Variants in CARM1 observed in about 807,000 individuals in gnomAD.
CARM1 encodes the protein histone-arginine methyltransferase CARM1.
Under a neutral mutation model 72.7 loss-of-function variants are expected in CARM1, and 14 were observed. That is an observed-to-expected ratio of 0.19 (90% confidence interval 0.13 to 0.30). The LOEUF (loss-of-function observed/expected upper bound fraction) is 0.30, where lower values mean the gene tolerates loss of function less well. CARM1 is among the 10% of genes least tolerant of loss of function. The pLI is 1.00. For missense variants in CARM1, 432 were observed against 833.7 expected (o/e 0.52, Z 5.93); for synonymous variants, 333 against 345.5 (o/e 0.96, Z 0.40).
In CARM1 at chr19:10,912,004, C is replaced by T. The variant is rs77487405; in HGVS notation, c.559-180C>T. Among the ~76,000 whole-genome samples the T allele has an allele frequency of 8.3e-3, 1,262 of 152,326 alleles. 21 individuals are homozygous for T. The highest frequency in any genetic ancestry group is 0.029 in the African/African-American group (1,208 of 41,568). On this transcript the variant is annotated intron_variant, in intron 4 of 15. Coordinates refer to ENST00000327064, the MANE Select transcript of CARM1 (RefSeq NM_199141.2). The surrounding 1 kb of genome is among the most constrained non-coding windows in gnomAD (Gnocchi z 4.5). ...GGAGCTTCCCCAGGGCTTCTCCTCC[C>T]GGAGGACTGGCCCATGGCTCATCTT...
Position 10,915,450 on chromosome 19 carries a change from TC to T in CARM1, c.848-955del, listed in dbSNP as rs2145238336. 6.6e-6 allele frequency among the ~76,000 whole-genome samples: 1 copy of T among 152,178 alleles called. No individual in the cohort carries two copies. The highest frequency in any genetic ancestry group is 2.4e-5 in the African/African-American group (1 of 41,530). ...ACTCCTGTCCAGCTCAGGAAGCTCT[TC>T]CAGGGGTTAAAGGCAGCCCTCCCCT... is the stretch of plus-strand genomic sequence containing the variant. On this transcript the variant is annotated intron_variant, in intron 6 of 15. Transcript: ENST00000327064. This position sits in a 1 kb window ranked among gnomAD's most constrained non-coding sequence, Gnocchi z 4.6.
intron 1 of CARM1, among the ~76,000 whole-genome samples, chr19:10,899,411 A>G (rs2074047893): frequency 6.6e-6 from 1 of 152,242 alleles, no homozygotes; most frequent in Non-Finnish European, 1.5e-5. Context: ...CAGGACGGGT[A>G]TGAGTGTGGG....
intron 6 of CARM1, 86 bp downstream of exon 6, chr19:10,914,140 GCTTA>G: frequency 7.5e-7 from 1 of 1,334,734 alleles, no homozygotes; most frequent in Non-Finnish European, 1.0e-6. Context: ...TCAGCTCCCT[GCTTA>G]CTGTCGGTGG....
chr19:10,882,410 G>T (rs889413212), intron 1 of CARM1, among the ~76,000 whole-genome samples: 1 of 152,180 alleles, frequency 6.6e-6, no homozygotes, highest in Non-Finnish European at 1.5e-5. Flanking sequence ...TTATTGGTGG[G>T]AGGATTCGGT....
chr19:10,920,336 C>A lies in CARM1; in HGVS notation c.1197-100C>A, dbSNP rs905387758. On this transcript the variant is annotated intron_variant, in intron 10 of 15. Coordinates refer to ENST00000327064, the MANE Select transcript of CARM1 (RefSeq NM_199141.2). The surrounding 1 kb of genome is among the most constrained non-coding windows in gnomAD (Gnocchi z 5.3). ...GCTCCAGGGTCCCAGGGGTCCCTGG[C>A]AGAGGGGGCAGGTGCTTGGGGAGGA... 5.0e-6 allele frequency: 7 copies of A among 1,397,456 alleles called. No homozygotes were observed. The highest frequency in any genetic ancestry group is 2.3e-5 in the Admixed American group (1 of 43,696). 86.6% of individuals were successfully genotyped at this position (1,397,456 alleles called of 1,614,324 possible).
At chr19:10,913,748 G>C in intron 5 of CARM1, 129 bp from the exon 6 acceptor site, 1 of 933,012 alleles carries the variant, frequency 1.1e-6, no homozygotes. Flanking sequence ...TGGTTGGGGC[G>C]CCAGCGAAGC....
intron 1 of CARM1, among the ~76,000 whole-genome samples, chr19:10,877,280 A>G (rs1461843870): frequency 6.6e-6 from 1 of 152,152 alleles, no homozygotes; most frequent in Admixed American, 6.5e-5. Context: ...GGATACCGTC[A>G]TTTATTGAGC....
intron 2 of CARM1, among the ~76,000 whole-genome samples, chr19:10,906,101 C>T (rs2074102055): frequency 6.6e-6 from 1 of 151,000 alleles, no homozygotes; most frequent in African/African-American, 2.4e-5. Context: ...ACGTGTGTGC[C>T]ACCGTGCCTG....
intron 14 of CARM1, 78 bp downstream of exon 14, chr19:10,921,205 C>T: frequency 6.7e-7 from 1 of 1,493,824 alleles, no homozygotes. Flanking sequence ...CCTGTGGTGA[C>T]CAGGGTCGGC....
intron 1 of CARM1, among the ~76,000 whole-genome samples, chr19:10,883,345 C>T (rs1386506749): frequency 6.6e-6 from 1 of 152,132 alleles, no homozygotes; most frequent in Non-Finnish European, 1.5e-5. Context: ...CCAAGACCCC[C>T]TCGTCCCCAG....
intron 1 of CARM1, among the ~76,000 whole-genome samples, chr19:10,884,976 G>C (rs1376988594): frequency 6.6e-6 from 1 of 152,244 alleles, no homozygotes; most frequent in African/African-American, 2.4e-5. Flanking sequence ...AAAGTGCTGG[G>C]ATTACAGACG....
In CARM1 at chr19:10,913,987, C is replaced by T; in HGVS notation, c.780C>T (p.Gly260=). 1 of 1,613,778 alleles carries T rather than the reference C, an allele frequency of 6.2e-7. No individual in the cohort carries two copies. The highest frequency in any genetic ancestry group is 1.1e-5 in the South Asian group (1 of 91,068). The change falls in exon 6 of 16, where the codon GGC becomes GGT. Residue 260 remains glycine (G), a synonymous_variant. Transcript: ENST00000327064. The part of the protein sequence containing the change: ...QVDIIISEPM[G]YMLFNERMLE... The stretch of plus-strand genomic sequence containing the variant: ...ACATCATCATCTCGGAGCCCATGGG[C>T]TACATGCTCTTCAACGAGCGCATGC...
Position 10,905,182 on chromosome 19 carries a change from A to G in CARM1, c.346+106A>G, listed in dbSNP as rs574316900. 3.2e-4 allele frequency: 440 copies of G among 1,365,210 alleles called. 4 individuals carry two copies. The South Asian group carries it at 5.3e-3, about 16-fold the overall frequency. 84.6% of individuals were successfully genotyped at this position (1,365,210 alleles called of 1,614,324 possible). Reference sequence around the variant, plus strand: ...GAGGGGTGGCCCGTGCATCCTTAAGAAGGCTCCACTGCCCTCAAAACCACA... The same window carrying G: ...GAGGGGTGGCCCGTGCATCCTTAAGGAGGCTCCACTGCCCTCAAAACCACA... On this transcript the variant is annotated intron_variant, in intron 2 of 15. Transcript: ENST00000327064.
chr19:10,895,581 A>G (rs1019708938), intron 1 of CARM1, among the ~76,000 whole-genome samples: 15 of 152,186 alleles, frequency 9.9e-5, no homozygotes, highest in African/African-American at 3.6e-4. Context: ...TGCGTGGTGA[A>G]GCCACTTCCC....
chr19:10,872,520 G>C (rs368871619), intron 1 of CARM1, among the ~76,000 whole-genome samples: 73 of 152,294 alleles, frequency 4.8e-4, no homozygotes, highest in African/African-American at 1.7e-3. Context: ...ATGCGGGGAC[G>C]GTGGGAGCCG....
intron 1 of CARM1, among the ~76,000 whole-genome samples, chr19:10,900,252 G>A (rs942419856): frequency 3.9e-5 from 6 of 152,124 alleles, no homozygotes; most frequent in African/African-American, 9.7e-5. Context: ...GTCAAGAGCT[G>A]TTGTTTCATA....
intron 1 of CARM1, among the ~76,000 whole-genome samples, chr19:10,880,389 A>G (rs1278284711): frequency 6.6e-6 from 1 of 151,934 alleles, no homozygotes; most frequent in East Asian, 1.9e-4. Flanking sequence ...TGTGTCACCC[A>G]GGCTGGAGTG....
chr19:10,900,498 A>G (rs2074055955), intron 1 of CARM1, among the ~76,000 whole-genome samples: 1 of 152,138 alleles, frequency 6.6e-6, no homozygotes. Flanking sequence ...ATGTTGCAGC[A>G]TGGCTCAGTG....
intron 1 of CARM1, among the ~76,000 whole-genome samples, chr19:10,890,195 TG>T (rs1489067939): frequency 6.6e-6 from 1 of 151,906 alleles, no homozygotes; most frequent in African/African-American, 2.4e-5. Flanking sequence ...GAGACCAGCC[TG>T]GGCAACATAG....
Sources: gnomAD v4.1 joint callset for allele counts (sites outside exome capture counted in the v4.1 genomes callset) on GRCh38, gnomAD v4.1.1 for gene constraint, Gnocchi (gnomAD v3.1) non-coding constraint, MANE v1.5 for transcripts, NCBI Gene and HGNC (gene_info 2026-07-23, HGNC 2026-07-21) for gene names.